KCNJ6: variants seen among roughly 807,000 people sequenced by gnomAD.
KCNJ6 encodes the protein G protein-activated inward rectifier potassium channel 2.
A neutral mutation model predicts 34.2 loss-of-function variants in KCNJ6; 9 were observed. The ratio of observed to expected loss-of-function variants is 0.26; its 90% CI spans 0.16 to 0.46. The LOEUF is 0.46. KCNJ6 is among the 20% of genes least tolerant of loss of function. The pLI is 1.00. For missense variants in KCNJ6, 236 were observed against 531.3 expected (o/e 0.44, Z 5.46); for synonymous variants, 196 against 207.1 (o/e 0.95, Z 0.46).
chr21:37,613,772 T>A lies in KCNJ6; in HGVS notation c.*11387A>T, dbSNP rs918570658. ...TGCCAGGGGTTGGGAGGACACAAGA[T>A]GAATTGGGAGAGCACAGAGGATTTT... On this transcript the variant is annotated 3_prime_UTR_variant, in exon 4 of 4. Transcript: ENST00000609713. 6.6e-6 allele frequency: 1 copy of A among 152,210 alleles called. No homozygotes were observed. 9.4% of individuals were successfully genotyped at this position (152,210 alleles called of 1,614,324 possible).
At chr21:37,740,524 C>T (rs997780035) in intron 2 of KCNJ6, among the ~76,000 whole-genome samples, 14 of 152,136 alleles carry the variant, frequency 9.2e-5, no homozygotes, top group South Asian at 2.1e-4. Context: ...TGAGTTGTCC[C>T]GCCTTTCTGG....
At chr21:37,834,969 T>C (rs1035848068) in intron 2 of KCNJ6, among the ~76,000 whole-genome samples, 1 of 152,192 alleles carries the variant, frequency 6.6e-6, no homozygotes, top group East Asian at 1.9e-4. Flanking sequence ...TCCATGTGGA[T>C]GTGTTATGGT....
At chr21:37,857,306 A>T (rs1396114336) in intron 1 of KCNJ6, among the ~76,000 whole-genome samples, 1 of 152,232 alleles carries the variant, frequency 6.6e-6, no homozygotes, top group Non-Finnish European at 1.5e-5. Flanking sequence ...CCAGAAATCT[A>T]TGGCAGAGCT....
intron 3 of KCNJ6, among the ~76,000 whole-genome samples, chr21:37,632,634 G>T (rs1171730587): frequency 2.0e-5 from 3 of 152,032 alleles, no homozygotes; most frequent in Non-Finnish European, 4.4e-5. Flanking sequence ...CCAAGTAAAA[G>T]GTGTAGAAGG....
chr21:37,686,885 A>T (rs2054618139), intron 3 of KCNJ6, among the ~76,000 whole-genome samples: 1 of 149,170 alleles, frequency 6.7e-6, no homozygotes, highest in Admixed American at 6.6e-5. Context: ...GAAGGAAGGC[A>T]GGGGTTGAAA....
intron 3 of KCNJ6, among the ~76,000 whole-genome samples, chr21:37,687,812 C>T (rs1185406748): frequency 2.0e-5 from 3 of 152,170 alleles, no homozygotes; most frequent in South Asian, 2.1e-4. Context: ...ATGGACTGCA[C>T]GGGCATTGTG....
intron 1 of KCNJ6, among the ~76,000 whole-genome samples, chr21:37,848,898 C>A (rs1468367716): frequency 6.6e-6 from 1 of 152,196 alleles, no homozygotes; most frequent in African/African-American, 2.4e-5. Context: ...AAGCTCTTGA[C>A]TTTCAGCGTC....
intron 2 of KCNJ6, among the ~76,000 whole-genome samples, chr21:37,833,230 G>T (rs2055435461): frequency 1.3e-5 from 2 of 152,016 alleles, no homozygotes. Flanking sequence ...GGCCAGGCTG[G>T]TCTCGAACTC....
chr21:37,722,671 A>C (rs2054832893), intron 2 of KCNJ6, among the ~76,000 whole-genome samples: 1 of 152,244 alleles, frequency 6.6e-6, no homozygotes. Context: ...AGGTTGACAA[A>C]AATAAGCAGT....
chr21:37,831,941 G>C (rs1429022896), intron 2 of KCNJ6, among the ~76,000 whole-genome samples: 1 of 152,066 alleles, frequency 6.6e-6, no homozygotes, highest in African/African-American at 2.4e-5. Flanking sequence ...CATTCTGCAG[G>C]GACAGTAGAA....
At chr21:37,649,132 C>CAAAAAAAAA (rs1169306298) in intron 3 of KCNJ6, among the ~76,000 whole-genome samples, 84 of 39,718 alleles carry the variant, frequency 2.1e-3, no homozygotes, top group East Asian at 5.6e-3. Flanking sequence ...GACTCCATCT[C>CAAAAAAAAA]AAAAAAAAAA....
intron 2 of KCNJ6, among the ~76,000 whole-genome samples, chr21:37,830,821 T>C (rs986161994): frequency 1.3e-5 from 2 of 152,240 alleles, no homozygotes; most frequent in Non-Finnish European, 2.9e-5. Context: ...GTGATGGTTC[T>C]AAAATTTTGC....
rs1179555285 is a variant in KCNJ6, at chr21:37,726,580, ATGTGTG to A, written c.26-11455_26-11450del. On this transcript the variant is annotated intron_variant, in intron 2 of 3. Transcript: ENST00000609713. Reference sequence around the variant, plus strand: ...TTGCAAATATTGCCATCTTACAGTAATGTGTGCATGTTTGTGAATGTGTGTGTATGT... The same window carrying A: ...TTGCAAATATTGCCATCTTACAGTAACATGTTTGTGAATGTGTGTGTATGT... 3.3e-5 allele frequency among the ~76,000 whole-genome samples: 5 copies of A among 152,160 alleles called. No homozygotes were observed. In the East Asian group the frequency reaches 9.6e-4, roughly 29 times the overall value.
intron 3 of KCNJ6, among the ~76,000 whole-genome samples, chr21:37,635,375 G>A (rs1008114496): frequency 6.6e-6 from 1 of 151,430 alleles, no homozygotes; most frequent in Non-Finnish European, 1.5e-5. Context: ...TTGCCAGCAC[G>A]CCCGGCTAAT....
intron 3 of KCNJ6, among the ~76,000 whole-genome samples, chr21:37,632,733 A>T (rs1353696435): frequency 1.3e-5 from 2 of 152,220 alleles, no homozygotes; most frequent in African/African-American, 2.4e-5. Context: ...ATAATAACTT[A>T]AAAATATAGA....
chr21:37,744,568 A>T (rs1407824939), intron 2 of KCNJ6, among the ~76,000 whole-genome samples: 1 of 152,200 alleles, frequency 6.6e-6, no homozygotes, highest in African/African-American at 2.4e-5. Context: ...CTGTCCCCAA[A>T]CACCATCTTT....
intron 2 of KCNJ6, among the ~76,000 whole-genome samples, chr21:37,773,858 TC>T (rs1310310574): frequency 1.3e-5 from 2 of 152,110 alleles, no homozygotes; most frequent in African/African-American, 2.4e-5. Flanking sequence ...GAAGCATCCA[TC>T]CCCTCCAGGT....
chr21:37,706,419 C>T (rs1215292676), intron 3 of KCNJ6, among the ~76,000 whole-genome samples: 2 of 152,194 alleles, frequency 1.3e-5, no homozygotes, highest in Non-Finnish European at 2.9e-5. Flanking sequence ...TTAGGCACTG[C>T]CATATGACTT....
chr21:37,898,206 T>C (rs1006050763), intron 1 of KCNJ6, among the ~76,000 whole-genome samples: 7 of 152,200 alleles, frequency 4.6e-5, no homozygotes, highest in African/African-American at 7.2e-5. Context: ...ATTTGTACAT[T>C]TGAGTGGCCA....
Sources: allele counts gnomAD v4.1 joint callset (sites outside exome capture counted in the v4.1 genomes callset), GRCh38; gene constraint gnomAD v4.1.1; transcripts MANE v1.5; gene names NCBI Gene and HGNC (gene_info 2026-07-23, HGNC 2026-07-21).